The following MAP3K11 variants were observed in gnomAD, a reference collection of about 807,000 sequenced individuals.
The protein encoded by MAP3K11 is SH3 domain-containing proline-rich kinase.
Under a neutral mutation model 84.9 loss-of-function variants are expected in MAP3K11, and 46 were observed. The ratio of observed to expected loss-of-function variants is 0.54; its 90% confidence interval spans 0.43 to 0.69. MAP3K11 has a LOEUF of 0.69. Among genes scored for constraint, MAP3K11 ranks in the 30% least tolerant of loss-of-function variants. The pLI is 0.00. For missense variants in MAP3K11, 1,053 were observed against 1,198.3 expected, an observed-to-expected ratio of 0.88 and a Z score of 1.79; for synonymous variants, 527 against 514.7, an observed-to-expected ratio of 1.02 and a Z score of -0.32.
Position 65,606,819 on chromosome 11 carries a change from G to C in MAP3K11, c.1490-15C>G, listed in dbSNP as rs1854513866. 6.5e-7 allele frequency: 1 copy of C among 1,536,500 alleles called. No individual in the cohort carries two copies. The highest frequency in any genetic ancestry group is 9.0e-7 in the Non-Finnish European group (1 of 1,115,242). On this transcript the variant is annotated splice_polypyrimidine_tract_variant and intron_variant, in intron 5 of 9. Transcript: ENST00000309100. Reference sequence around the variant, plus strand: ...GTGCTTGAAGTCTGGGATTTGGGTTGGGGGGAGCAGGGTTCAGGTTTGTGA... The same window carrying C: ...GTGCTTGAAGTCTGGGATTTGGGTTCGGGGGAGCAGGGTTCAGGTTTGTGA...
chr11:65,607,209 C>A, intron 5 of MAP3K11, 61 bp downstream of exon 5: 9 of 1,428,844 alleles, frequency 6.3e-6, no homozygotes, highest in Admixed American at 3.0e-5. Flanking sequence ...AGCACACAGG[C>A]CTGGCTCCAC....
rs1854512491 is a variant in MAP3K11 at position 65,606,729 on chromosome 11, C to T, written c.1565G>A (p.Gly522Glu). Reference sequence around the variant, plus strand: ...GAACCGGGGAAAGGTGGGCGAATCCCCAGGCCCGACCTCGAAGACGTTTCT... The same window carrying T: ...GAACCGGGGAAAGGTGGGCGAATCCTCAGGCCCGACCTCGAAGACGTTTCT... ...RRRNVFEVGPGDSPTFPRFRA... is the reference protein window; with the variant it reads ...RRRNVFEVGPEDSPTFPRFRA... The change falls in exon 6 of 10, where the codon GGG (glycine) becomes GAG (glutamate). Residue 522 changes from glycine (G) to glutamate (E), a missense_variant. Gly to Glu is a moderately conservative substitution (Grantham distance 98). This residue lies in a region of MAP3K11 where 583 missense variants were observed against 566.6 expected (regional missense o/e 1.03). Transcript: ENST00000309100. The T allele has an allele frequency of 6.2e-7, 1 of 1,604,194 alleles. No homozygotes were observed. Among genetic ancestry groups the T allele is most frequent in the African/African-American group, 1.3e-5 (1 of 74,196 alleles).
intron 8 of MAP3K11, among the ~76,000 whole-genome samples, chr11:65,604,485 A>T (rs1260433505): frequency 2.0e-5 from 3 of 152,236 alleles, no homozygotes; most frequent in Non-Finnish European, 2.9e-5. Flanking sequence ...GGCGGGGCAG[A>T]TGGAGGCCCA....
At chr11:65,599,159 G>T (rs192939587) in intron 9 of MAP3K11, among the ~76,000 whole-genome samples, 1 of 152,104 alleles carries the variant, frequency 6.6e-6, no homozygotes, top group African/African-American at 2.4e-5. Flanking sequence ...TGCCTGGCCC[G>T]ATTACTTCTT....
chr11:65,601,421 G>C (rs566568798), intron 8 of MAP3K11, among the ~76,000 whole-genome samples: 2 of 152,162 alleles, frequency 1.3e-5, no homozygotes, highest in African/African-American at 4.8e-5. Context: ...CATCATATGA[G>C]GTCAGGGCAG....
Position 65,613,976 on chromosome 11 carries a change from G to A in MAP3K11, c.-220C>T. The A allele has an allele frequency of 1.7e-6, 1 of 588,378 alleles. No homozygotes were observed. The highest frequency in any genetic ancestry group is 3.0e-5 in the East Asian group (1 of 32,832). 36.4% of individuals were successfully genotyped at this position (588,378 alleles called of 1,614,324 possible). ...CACCCAGGGCAGTGTGGTCAGGCCG[G>A]GGGGGTGGGGCCCCGGGGCCTCCGG... On this transcript the variant is annotated 5_prime_UTR_variant, in exon 1 of 10. Coordinates refer to ENST00000309100, the MANE Select transcript of MAP3K11 (RefSeq NM_002419.4).
In MAP3K11 at chr11:65,606,760, G is replaced by T. The variant is rs1284056410; in HGVS notation, c.1534C>A (p.Arg512=). ...CCGACCTCGAAGACGTTTCTCCTCC[G>T]GTCAAGGCCGGGTGAGGCCTGCACG... ...ITVQASPGLD[R]RRNVFEVGPG... Residue 512 remains arginine, a synonymous_variant, in exon 6 of 10, where the codon CGG becomes AGG. Transcript: ENST00000309100. 6.2e-7 allele frequency: 1 copy of T among 1,606,326 alleles called. No homozygotes were observed. Among genetic ancestry groups the T allele is most frequent in the African/African-American group, 1.3e-5 (1 of 74,364 alleles).
Position 65,613,807 on chromosome 11 carries a change from G to T in MAP3K11, c.-51C>A. 1 of 1,474,118 alleles carries T rather than the reference G, an allele frequency of 6.8e-7. No homozygotes were observed. Among genetic ancestry groups the T allele is most frequent in the South Asian group, 1.4e-5 (1 of 72,886 alleles). The allele number at this position is 1,474,118 out of a possible 1,614,324, so 91.3% of individuals were successfully genotyped here. Reference sequence around the variant, plus strand: ...TGGAGGACCTTCTCTGGGTGCCCGTGGTCCCCACCCCCGCTGGCTGCCAAG... The same window carrying T: ...TGGAGGACCTTCTCTGGGTGCCCGTTGTCCCCACCCCCGCTGGCTGCCAAG... On this transcript the variant is annotated 5_prime_UTR_variant, in exon 1 of 10. Coordinates refer to ENST00000309100, the MANE Select transcript of MAP3K11 (RefSeq NM_002419.4).
In MAP3K11 at chr11:65,607,756, T is replaced by C; in HGVS notation, c.1130A>G (p.Glu377Gly). Residue 377 changes from glutamate (E) to glycine (G), a missense_variant, in exon 4 of 10, where the codon GAG (glutamate) becomes GGG (glycine). Physicochemically the swap from Glu to Gly is moderately conservative, Grantham distance 98. This residue lies in a region of MAP3K11 where 310 missense variants were observed against 464.5 expected (regional missense o/e 0.67). Coordinates refer to ENST00000309100, the MANE Select transcript of MAP3K11 (RefSeq NM_002419.4). ...CCGTAGGACCTGTGCCTCCAGCGCC[T>C]CCAACTGCTGCAGGATGGAGGCGAA... is the stretch of plus-strand genomic sequence containing the variant. Reference protein sequence around the residue: ...PDFASILQQLEALEAQVLREM... With the variant: ...PDFASILQQLGALEAQVLREM... The C allele has an allele frequency of 4.3e-6, 7 of 1,613,638 alleles. No individual in the cohort carries two copies. The highest frequency in any genetic ancestry group is 4.2e-6 in the Non-Finnish European group (5 of 1,179,866).
chr11:65,607,166 C>A, intron 5 of MAP3K11, 104 bp downstream of exon 5: 1 of 1,362,524 alleles, frequency 7.3e-7, no homozygotes, highest in African/African-American at 1.5e-5. Flanking sequence ...CACGGGCCCA[C>A]CCACAACACC....
chr11:65,606,962 G>A, intron 5 of MAP3K11, 158 bp from the exon 6 acceptor site: 1 of 592,278 alleles, frequency 1.7e-6, no homozygotes, highest in Non-Finnish European at 2.9e-6. Context: ...GAGCCCCTGG[G>A]TCTGGATAAG....
chr11:65,603,404 T>A (rs780818114), intron 8 of MAP3K11, among the ~76,000 whole-genome samples: 43 of 152,266 alleles, frequency 2.8e-4, no homozygotes, highest in Admixed American at 2.2e-3. Context: ...CACGTAGTTA[T>A]TGGCTCTAAG....
intron 8 of MAP3K11, 51 bp downstream of exon 8, chr11:65,605,710 G>T: frequency 7.1e-7 from 1 of 1,408,322 alleles, no homozygotes; most frequent in Non-Finnish European, 9.9e-7. Context: ...TCCCCAAGGT[G>T]CCCACGGAAG....
At chr11:65,612,760 A>C in intron 1 of MAP3K11, 1 of 383,826 alleles carries the variant, frequency 2.6e-6, no homozygotes, top group Non-Finnish European at 4.6e-6. Context: ...CACCTGAGAG[A>C]TACCAATTTC....
chr11:65,605,684 C>T (rs559746575), intron 8 of MAP3K11, 77 bp downstream of exon 8: 2 of 1,045,532 alleles, frequency 1.9e-6, no homozygotes, highest in East Asian at 2.6e-5. Flanking sequence ...GCTTTGCCTA[C>T]TAGCCTATTG....
intron 9 of MAP3K11, 135 bp from the exon 10 acceptor site, chr11:65,598,763 GCTC>G (rs1205714771): frequency 6.9e-6 from 4 of 582,538 alleles, no homozygotes; most frequent in Non-Finnish European, 1.1e-5. Flanking sequence ...CGCCCTTCCT[GCTC>G]CGTGGTGCCT....
chr11:65,601,484 C>T (rs117592462), intron 8 of MAP3K11, among the ~76,000 whole-genome samples: 2,757 of 152,228 alleles, frequency 0.018, 38 homozygotes, highest in South Asian at 0.031. Context: ...GGGCCAGGCG[C>T]GGTGGCTCAC....
chr11:65,598,379 T>C lies in MAP3K11; in HGVS notation c.2456A>G (p.Asn819Ser). The change falls in exon 10 of 10, where the codon AAC becomes AGC. Residue 819 changes from asparagine to serine, a missense_variant. This residue lies in a region of MAP3K11 where 583 missense variants were observed against 566.6 expected (regional missense o/e 1.03). Coordinates refer to ENST00000309100, the MANE Select transcript of MAP3K11 (RefSeq NM_002419.4). ...GTCCTGGGGGCCCCCCTGGAAGGGG[T>C]TGGCAGGTGGGGAGTCCCAGAAGGG... The part of the protein sequence containing the change: ...SDPFWDSPPA[N>S]PFQGGPQDCR... 1 of 1,552,986 alleles carries C rather than the reference T, an allele frequency of 6.4e-7. No homozygotes were observed. The highest frequency in any genetic ancestry group is 8.7e-7 in the Non-Finnish European group (1 of 1,145,980).
At chr11:65,608,817 T>C (rs1854541888) in intron 1 of MAP3K11, 2 of 202,550 alleles carry the variant, frequency 9.9e-6, no homozygotes, top group Non-Finnish European at 2.0e-5. Context: ...GGTTTCTCCA[T>C]GTTGGTCAGG....
Sources: allele counts gnomAD v4.1 joint callset (sites outside exome capture counted in the v4.1 genomes callset), GRCh38; gene constraint gnomAD v4.1.1; regional missense constraint gnomAD v4.1.1; transcripts MANE v1.5; gene names NCBI Gene and HGNC (gene_info 2026-07-23, HGNC 2026-07-21).